Variants in DOCK2 observed in about 807,000 individuals in gnomAD.
DOCK2 encodes the protein dedicator of cytokinesis 2, also known as dedicator of cytokinesis protein 2.
A neutral mutation model predicts 248.9 loss-of-function variants in DOCK2; 87 were observed. That is an observed-to-expected ratio of 0.35 (90% CI 0.29 to 0.42). The LOEUF (loss-of-function observed/expected upper bound fraction) is 0.42. Ranked by LOEUF, DOCK2 falls within the 10% of genes least tolerant of loss-of-function variation. DOCK2 has a pLI of 1.00. For synonymous variants in DOCK2, 805 were observed against 821.6 expected (o/e 0.98, Z 0.35); for missense variants, 1,747 against 2,300.2 (o/e 0.76, Z 4.92).
At chr5:169,998,086 C>G (rs931002134) in intron 30 of DOCK2, 9 of 455,652 alleles carry the variant, frequency 2.0e-5, no homozygotes, top group Middle Eastern at 6.9e-4. Flanking sequence ...CCTCCTGACT[C>G]CTCCCTGAGG....
intron 27 of DOCK2, among the ~76,000 whole-genome samples, chr5:169,851,123 A>G (rs182447756): frequency 6.6e-6 from 1 of 152,180 alleles, no homozygotes; most frequent in Non-Finnish European, 1.5e-5. Context: ...TGTAGCAGGC[A>G]CTCAATTCAA....
chr5:169,868,847 C>T (rs771229500), intron 27 of DOCK2, among the ~76,000 whole-genome samples: 14 of 152,248 alleles, frequency 9.2e-5, no homozygotes, highest in South Asian at 2.1e-4. Context: ...GGAGATGGAA[C>T]GGAAACTTTA....
chr5:170,061,431 T>C (rs910019903), intron 44 of DOCK2, among the ~76,000 whole-genome samples: 11 of 152,184 alleles, frequency 7.2e-5, no homozygotes, highest in Admixed American at 2.6e-4. Flanking sequence ...GAAATGAGCA[T>C]GGGTGTAATG....
intron 26 of DOCK2, among the ~76,000 whole-genome samples, chr5:169,832,507 C>T (rs1302174724): frequency 2.0e-5 from 3 of 152,278 alleles, no homozygotes; most frequent in African/African-American, 7.2e-5. Flanking sequence ...TGTCTCTGTC[C>T]CTGGCTGCCT....
chr5:169,801,982 G>T (rs544734931), intron 25 of DOCK2, among the ~76,000 whole-genome samples: 1 of 151,880 alleles, frequency 6.6e-6, no homozygotes, highest in South Asian at 2.1e-4. Context: ...TCATATTGCA[G>T]CTCAAGCAGC....
chr5:169,762,138 T>C (rs553500827), intron 25 of DOCK2, among the ~76,000 whole-genome samples: 2 of 152,112 alleles, frequency 1.3e-5, no homozygotes, highest in Admixed American at 6.5e-5. Flanking sequence ...AATGAAAAGG[T>C]ATGAAAGGGT....
At chr5:169,754,718 C>G (rs115854262) in intron 23 of DOCK2, among the ~76,000 whole-genome samples, 2,209 of 152,216 alleles carry the variant, frequency 0.015, 34 homozygotes, top group Non-Finnish European at 0.022. Context: ...CAGGACAGAG[C>G]TGGGTACACA....
chr5:170,039,030 G>C (rs947579578), intron 36 of DOCK2, among the ~76,000 whole-genome samples: 1 of 152,258 alleles, frequency 6.6e-6, no homozygotes, highest in Admixed American at 6.5e-5. Context: ...TAGGCGGGAG[G>C]AAAGTGGAAA....
chr5:169,731,465 G>A (rs1387325586), intron 22 of DOCK2, among the ~76,000 whole-genome samples: 2 of 152,056 alleles, frequency 1.3e-5, no homozygotes, highest in African/African-American at 2.4e-5. Context: ...GCCTTTCCCC[G>A]TGATTGTGAG....
chr5:169,846,923 C>T (rs1163416915), intron 27 of DOCK2, among the ~76,000 whole-genome samples: 1 of 152,046 alleles, frequency 6.6e-6, no homozygotes, highest in Non-Finnish European at 1.5e-5. Flanking sequence ...CATGGCTTAG[C>T]TCCCACTTAT....
intron 26 of DOCK2, among the ~76,000 whole-genome samples, chr5:169,809,492 G>A (rs115983605): frequency 0.014 from 2,149 of 152,112 alleles, 44 homozygotes; most frequent in African/African-American, 0.048. Flanking sequence ...CTTCTCCTCC[G>A]CTCTGCCCCC....
chr5:169,979,746 C>T (rs547918129), intron 27 of DOCK2, among the ~76,000 whole-genome samples: 4 of 152,294 alleles, frequency 2.6e-5, no homozygotes, highest in East Asian at 1.9e-4. Context: ...GGCACGCAAC[C>T]GGGTTTTTCT....
intron 27 of DOCK2, among the ~76,000 whole-genome samples, chr5:169,927,604 G>T (rs1016099930): frequency 1.3e-5 from 2 of 152,214 alleles, no homozygotes; most frequent in Non-Finnish European, 2.9e-5. Flanking sequence ...TGATCAGGAG[G>T]TAAAACATAT....
At chr5:170,054,989 G>A (rs1476957445) in intron 41 of DOCK2, among the ~76,000 whole-genome samples, 1 of 152,206 alleles carries the variant, frequency 6.6e-6, no homozygotes, top group Non-Finnish European at 1.5e-5. Flanking sequence ...CTCTGCAATT[G>A]ATTTGAGAGC....
intron 27 of DOCK2, among the ~76,000 whole-genome samples, chr5:169,859,284 G>A (rs1461094343): frequency 6.6e-6 from 1 of 152,176 alleles, no homozygotes; most frequent in African/African-American, 2.4e-5. Flanking sequence ...TCAGGAGTAG[G>A]GGTGGTATGA....
intron 44 of DOCK2, among the ~76,000 whole-genome samples, chr5:170,058,572 G>C (rs1275080694): frequency 1.3e-5 from 2 of 152,294 alleles, no homozygotes; most frequent in East Asian, 3.9e-4. Context: ...ACATTGAAGA[G>C]AGAGACATTC....
intron 27 of DOCK2, among the ~76,000 whole-genome samples, chr5:169,928,607 G>A (rs1775591843): frequency 6.6e-6 from 1 of 152,240 alleles, no homozygotes; most frequent in African/African-American, 2.4e-5. Flanking sequence ...GGAAAGGACA[G>A]TGTCATGGAG....
intron 22 of DOCK2, among the ~76,000 whole-genome samples, chr5:169,724,945 G>A (rs1438474759): frequency 6.6e-6 from 1 of 152,158 alleles, no homozygotes; most frequent in Non-Finnish European, 1.5e-5. Flanking sequence ...GTAGCTTGCA[G>A]TCGGAGGGAG....
At chr5:169,799,805 G>A (rs1191859565) in intron 25 of DOCK2, among the ~76,000 whole-genome samples, 1 of 149,548 alleles carries the variant, frequency 6.7e-6, no homozygotes, top group East Asian at 1.9e-4. Context: ...TTAGGCCAAC[G>A]AGTTGGTTTT....
Sources: gnomAD v4.1 joint callset for allele counts (sites outside exome capture counted in the v4.1 genomes callset) on GRCh38, gnomAD v4.1.1 for gene constraint, MANE v1.5 for transcripts, NCBI Gene and HGNC (gene_info 2026-07-23, HGNC 2026-07-21) for gene names.